The following CUL4A variants were observed in gnomAD, a reference collection of about 807,000 sequenced individuals.
The protein encoded by CUL4A is cullin 4A, also known as cullin-4A.
CUL4A carries 16 observed loss-of-function variants against 95.5 expected under a neutral mutation model. That is an observed-to-expected ratio of 0.17 (90% CI 0.11 to 0.25). The LOEUF (loss-of-function observed/expected upper bound fraction) is 0.25, where lower values mean the gene tolerates loss of function less well. Ranked by LOEUF, CUL4A falls within the 10% of genes least tolerant of loss-of-function variation. The pLI, the probability that CUL4A is intolerant of heterozygous loss-of-function variation, is 1.00. For missense variants in CUL4A, 610 were observed against 937.0 expected (o/e 0.65, Z 4.56); for synonymous variants, 380 against 353.1 (o/e 1.08, Z -0.85).
intron 5 of CUL4A, among the ~76,000 whole-genome samples, chr13:113,232,120 TTACTGTCACCACTACCC>T (rs2041351396): frequency 7.8e-5 from 11 of 141,284 alleles, no homozygotes; most frequent in African/African-American, 2.7e-4. Flanking sequence ...CCCACCACCA[TTACTGTCACCACTACCC>T]GCCCACCACC....
At chr13:113,211,307 C>G (rs2040433240) in intron 2 of CUL4A, among the ~76,000 whole-genome samples, 1 of 152,190 alleles carries the variant, frequency 6.6e-6, no homozygotes, top group African/African-American at 2.4e-5. Flanking sequence ...AATTTATTAC[C>G]TAGTAGAATG....
intron 17 of CUL4A, 51 bp downstream of exon 17, chr13:113,254,849 AT>A (rs1566370308): frequency 2.5e-6 from 4 of 1,593,952 alleles, no homozygotes; most frequent in African/African-American, 1.3e-5. Flanking sequence ...TAAAGCATGT[AT>A]TTGTTTTAAG....
chr13:113,259,240 A>G (rs2042208734), intron 18 of CUL4A, among the ~76,000 whole-genome samples: 1 of 152,196 alleles, frequency 6.6e-6, no homozygotes, highest in Admixed American at 6.5e-5. Context: ...CTCTAAAGTA[A>G]TGTTTTTAAG....
At chr13:113,235,987 G>A (rs9549707) in intron 8 of CUL4A, among the ~76,000 whole-genome samples, 29,930 of 147,230 alleles carry the variant, frequency 0.2, 3,692 homozygotes, top group South Asian at 0.43. Context: ...AAAAAAAAAA[G>A]AAAATGATAC....
In CUL4A at chr13:113,241,598, T is replaced by G. The variant is rs148343106; in HGVS notation, c.1036-1370T>G. On this transcript the variant is annotated intron_variant, in intron 10 of 19. Coordinates refer to ENST00000375440, the MANE Select transcript of CUL4A (RefSeq NM_001008895.4). ...GGCGTGATCTCAGCTCACTGCAACC[T>G]CTGCCTCCTGGGTTCAAGCAGTTCC... Among the ~76,000 whole-genome samples, 1,158 of 144,700 alleles carry G rather than the reference T, an allele frequency of 8.0e-3. 20 individuals are homozygous for G. The highest frequency in any genetic ancestry group is 0.028 in the African/African-American group (1,085 of 39,334). 94.9% of individuals were successfully genotyped at this position (144,700 alleles called of 152,430 possible). A position where few individuals can be genotyped will look rare whatever the true frequency, so the allele number is the denominator to read the frequency against.
intron 18 of CUL4A, among the ~76,000 whole-genome samples, chr13:113,258,431 A>G (rs1286751101): frequency 6.6e-6 from 1 of 152,226 alleles, no homozygotes; most frequent in Non-Finnish European, 1.5e-5. Context: ...CAGAGCTTTT[A>G]TCTTTATCAT....
At chr13:113,217,941 CA>C (rs978922966) in intron 2 of CUL4A, among the ~76,000 whole-genome samples, 3 of 152,256 alleles carry the variant, frequency 2.0e-5, no homozygotes, top group African/African-American at 7.2e-5. Context: ...TTTTCTGCTT[CA>C]AAAAATGGTG....
rs868282585 is a variant in CUL4A at position 113,232,133 on chromosome 13, T to C, written c.513-1044T>C. Among the ~76,000 whole-genome samples the C allele has an allele frequency of 1.4e-3, 122 of 85,634 alleles. 5 individuals carry two copies. The highest frequency in any genetic ancestry group is 3.4e-3 in the African/African-American group (69 of 20,514). 56.2% of individuals were successfully genotyped at this position (85,634 alleles called of 152,430 possible). A position where few individuals can be genotyped will look rare whatever the true frequency, so the allele number is the denominator to read the frequency against. On this transcript the variant is annotated intron_variant, in intron 5 of 19. Coordinates refer to ENST00000375440, the MANE Select transcript of CUL4A (RefSeq NM_001008895.4). Reference sequence around the variant, plus strand: ...CGCCCACCACCATTACTGTCACCACTACCCGCCCACCACCATTACTGCTGC... The same window carrying C: ...CGCCCACCACCATTACTGTCACCACCACCCGCCCACCACCATTACTGCTGC...
At chr13:113,258,928 A>G (rs2042200750) in intron 18 of CUL4A, among the ~76,000 whole-genome samples, 1 of 152,198 alleles carries the variant, frequency 6.6e-6, no homozygotes, top group Admixed American at 6.5e-5. Flanking sequence ...GATGGCTCAG[A>G]TCCATGAAGC....
chr13:113,255,043 A>T lies in CUL4A; in HGVS notation c.1949A>T (p.Asp650Val), dbSNP rs2042087128. ...AGTCCCAAAGGAAAGGAAGTGGAAG[A>T]TGGAGACAAGTTCATTTTTAATGGA... ...IKSPKGKEVE[D>V]GDKFIFNGEF... The change falls in exon 18 of 20, where the codon GAT becomes GTT. Residue 650 changes from aspartate (D) to valine (V), a missense_variant. Transcript: ENST00000375440. The T allele has an allele frequency of 2.5e-6, 4 of 1,614,078 alleles. No homozygotes were observed. Among genetic ancestry groups the T allele is most frequent in the Non-Finnish European group, 3.4e-6 (4 of 1,180,004 alleles).
chr13:113,237,359 A>G (rs61967867), intron 9 of CUL4A, among the ~76,000 whole-genome samples: 1,847 of 152,340 alleles, frequency 0.012, 12 homozygotes, highest in Non-Finnish European at 0.019. Flanking sequence ...CTGCTTAAGC[A>G]GAGTATACTT....
intron 18 of CUL4A, among the ~76,000 whole-genome samples, chr13:113,257,488 T>A (rs1440261929): frequency 1.3e-5 from 2 of 152,186 alleles, no homozygotes; most frequent in African/African-American, 4.8e-5. Flanking sequence ...TGACGAGGCC[T>A]CAGGAAGTTT....
At chr13:113,208,724 G>GCGCCCCCGGCCCCGC (rs1273651314), upstream of CUL4A, 2 of 1,504,492 alleles carry the variant, frequency 1.3e-6, no homozygotes, top group Non-Finnish European at 1.8e-6. Flanking sequence ...CTGGGTCCTG[G>GCGCCCCCGGCCCCGC]CGCCCCCGGC....
Position 113,236,910 on chromosome 13 carries a change from T to G in CUL4A, c.916+20T>G. 1 of 1,566,714 alleles carries G rather than the reference T, an allele frequency of 6.4e-7. No individual in the cohort carries two copies. The highest frequency in any genetic ancestry group is 8.8e-7 in the Non-Finnish European group (1 of 1,139,614). On this transcript the variant is annotated intron_variant, in intron 9 of 19. Transcript: ENST00000375440. Reference sequence around the variant, plus strand: ...AGAAAGGTAGATTTCCTAACTCTTGTGCAAATTAAACTGAACAATTATCCT... The same window carrying G: ...AGAAAGGTAGATTTCCTAACTCTTGGGCAAATTAAACTGAACAATTATCCT...
chr13:113,233,099 A>G (rs2041414821), intron 5 of CUL4A, 78 bp from the exon 6 acceptor site: 22 of 1,447,200 alleles, frequency 1.5e-5, no homozygotes, highest in Non-Finnish European at 1.9e-6. Flanking sequence ...ATGATATTGA[A>G]TAGCATAGCT....
chr13:113,215,826 C>T (rs1595349757), intron 2 of CUL4A, among the ~76,000 whole-genome samples: 1 of 103,682 alleles, frequency 9.6e-6, no homozygotes, highest in Non-Finnish European at 2.2e-5. Flanking sequence ...GGTCGCGTCC[C>T]ATGTGGCTGT....
intron 1 of CUL4A, 42 bp from the exon 2 acceptor site, chr13:113,209,931 C>A (rs1227137345): frequency 1.4e-6 from 2 of 1,417,880 alleles, no homozygotes; most frequent in South Asian, 1.4e-5. Context: ...CGGGGCGCTT[C>A]GCGGCGCGCC....
At chr13:113,214,112 T>G (rs935498740) in intron 2 of CUL4A, among the ~76,000 whole-genome samples, 13 of 152,364 alleles carry the variant, frequency 8.5e-5, no homozygotes, top group Admixed American at 2.6e-4. Flanking sequence ...CACCCAAGTT[T>G]GAAAGGTTTG....
At chr13:113,231,462 A>G (rs1032688727) in intron 5 of CUL4A, among the ~76,000 whole-genome samples, 4 of 152,106 alleles carry the variant, frequency 2.6e-5, no homozygotes, top group African/African-American at 4.8e-5. Flanking sequence ...GTGGGGAGGG[A>G]TAGAGCTGAT....
Sources: gnomAD v4.1 joint callset for allele counts (sites outside exome capture counted in the v4.1 genomes callset) on GRCh38, gnomAD v4.1.1 for gene constraint, MANE v1.5 for transcripts, NCBI Gene and HGNC (gene_info 2026-07-23, HGNC 2026-07-21) for gene names.